Variants in MALRD1 observed in about 807,000 individuals in gnomAD.
The protein encoded by MALRD1 is MAM and LDL-receptor class A domain-containing protein 1.
MALRD1 carries 247 observed loss-of-function variants against 242.1 expected under a neutral mutation model. The ratio of observed to expected loss-of-function variants is 1.02; its 90% CI spans 0.92 to 1.13. The LOEUF is 1.13. Among genes scored for constraint, MALRD1 ranks in the 50% most tolerant of loss-of-function variants. MALRD1 has a pLI of 0.00. For synonymous variants in MALRD1, 995 were observed against 866.6 expected (o/e 1.15, Z -2.60); for missense variants, 2,989 against 2,533.1 (o/e 1.18, Z -3.86).
chr10:19,531,106 A>G, intron 31 of MALRD1, 88 bp from the exon 32 acceptor site: 1 of 1,121,320 alleles, frequency 8.9e-7, no homozygotes, highest in Non-Finnish European at 1.2e-6. Context: ...GTATAAGGAT[A>G]AAAAGATATC....
At chr10:19,605,835 A>G (rs1838592250) in intron 34 of MALRD1, among the ~76,000 whole-genome samples, 1 of 151,926 alleles carries the variant, frequency 6.6e-6, no homozygotes, top group African/African-American at 2.4e-5. Flanking sequence ...TTCTCTTGTC[A>G]TCACCATGTA....
intron 14 of MALRD1, among the ~76,000 whole-genome samples, chr10:19,193,594 C>T (rs1836089704): frequency 6.6e-6 from 1 of 151,990 alleles, no homozygotes; most frequent in Non-Finnish European, 1.5e-5. Flanking sequence ...TTAAATTGTG[C>T]TACAAGACAT....
intron 28 of MALRD1, among the ~76,000 whole-genome samples, chr10:19,406,641 G>C (rs1847124569): frequency 6.6e-6 from 1 of 152,088 alleles, no homozygotes; most frequent in African/African-American, 2.4e-5. Context: ...AAATATCCAA[G>C]GAAAACGAAA....
At chr10:19,652,327 C>T (rs1190944050) in intron 36 of MALRD1, among the ~76,000 whole-genome samples, 1 of 152,150 alleles carries the variant, frequency 6.6e-6, no homozygotes, top group Non-Finnish European at 1.5e-5. Flanking sequence ...ATTACATGTT[C>T]TGAGAAGAAA....
intron 14 of MALRD1, among the ~76,000 whole-genome samples, chr10:19,183,650 AT>A: frequency 6.6e-6 from 1 of 152,304 alleles, no homozygotes; most frequent in East Asian, 1.9e-4. Flanking sequence ...TTTGCTAAAA[AT>A]TTAGGTCTTC....
intron 29 of MALRD1, among the ~76,000 whole-genome samples, chr10:19,467,235 G>A (rs1589123763): frequency 6.7e-6 from 1 of 149,800 alleles, no homozygotes; most frequent in Non-Finnish European, 1.5e-5. Context: ...GGCGCCTGTA[G>A]TCTCAGCTAC....
intron 21 of MALRD1, among the ~76,000 whole-genome samples, chr10:19,315,676 T>C (rs1330947101): frequency 7.6e-6 from 1 of 132,066 alleles, no homozygotes; most frequent in Non-Finnish European, 1.5e-5. Flanking sequence ...ACTATAGTTA[T>C]ATATTATATA....
At chr10:19,588,312 C>T (rs1320398084) in intron 33 of MALRD1, among the ~76,000 whole-genome samples, 4 of 152,108 alleles carry the variant, frequency 2.6e-5, no homozygotes, top group African/African-American at 9.7e-5. Context: ...ACTATTTAAA[C>T]CACTGATTTA....
intron 34 of MALRD1, among the ~76,000 whole-genome samples, chr10:19,597,075 T>A (rs1375767268): frequency 6.6e-6 from 1 of 152,182 alleles, no homozygotes; most frequent in Non-Finnish European, 1.5e-5. Flanking sequence ...TGGTTCGGGC[T>A]GACAAATTGG....
At chr10:19,402,006 G>A (rs1462297044) in intron 28 of MALRD1, among the ~76,000 whole-genome samples, 1 of 152,170 alleles carries the variant, frequency 6.6e-6, no homozygotes, top group African/African-American at 2.4e-5. Context: ...GTAACACTGA[G>A]CTTTGGAAAG....
At chr10:19,452,759 T>C (rs1454318159) in intron 29 of MALRD1, among the ~76,000 whole-genome samples, 1 of 152,174 alleles carries the variant, frequency 6.6e-6, no homozygotes, top group Non-Finnish European at 1.5e-5. Flanking sequence ...CTAAGTTGCT[T>C]TCTGCAGTTG....
At chr10:19,280,368 GAA>G (rs1461616957) in intron 20 of MALRD1, 145 bp downstream of exon 20, 1 of 576,916 alleles carries the variant, frequency 1.7e-6, no homozygotes, top group Non-Finnish European at 2.6e-6. Context: ...TATTCATACA[GAA>G]AATTGTAATG....
intron 18 of MALRD1, among the ~76,000 whole-genome samples, chr10:19,230,324 T>A (rs1247065608): frequency 6.6e-6 from 1 of 152,094 alleles, no homozygotes; most frequent in Non-Finnish European, 1.5e-5. Flanking sequence ...TATAAAGAAA[T>A]GAGGTTTATT....
intron 32 of MALRD1, among the ~76,000 whole-genome samples, chr10:19,532,341 G>A (rs536429214): frequency 5.3e-5 from 8 of 152,190 alleles, no homozygotes; most frequent in African/African-American, 1.4e-4. Context: ...TGGAACCTCC[G>A]CCTCCCAGGT....
chr10:19,327,619 A>C lies in MALRD1; in HGVS notation c.3633A>C (p.Gln1211His), dbSNP rs1171404270. ...TSKLWAQTGQ[Q>H]GAQWKRAEVF... ...AATTGTGGGCTCAAACTGGACAGCAAGGTGCACAGTGGAAGAGAGCAGAAG... is the reference window on the plus strand; with the variant it reads ...AATTGTGGGCTCAAACTGGACAGCACGGTGCACAGTGGAAGAGAGCAGAAG... The change falls in exon 23 of 40, where the codon CAA becomes CAC. Residue 1211 changes from glutamine (Q) to histidine (H), a missense_variant. Gln to His is a conservative substitution (Grantham distance 24, BLOSUM62 0). Coordinates refer to ENST00000454679, the MANE Select transcript of MALRD1 (RefSeq NM_001142308.3). 2.6e-6 allele frequency: 4 copies of C among 1,549,846 alleles called. No homozygotes were observed. In the East Asian group the frequency reaches 7.3e-5, roughly 28 times the overall value.
intron 26 of MALRD1, among the ~76,000 whole-genome samples, chr10:19,367,899 G>A (rs78520978): frequency 0.013 from 1,957 of 151,944 alleles, 35 homozygotes; most frequent in African/African-American, 0.036. Flanking sequence ...GGCCATTTCT[G>A]TGTGTTTTGA....
chr10:19,229,025 G>GA (rs1837928706), intron 18 of MALRD1, among the ~76,000 whole-genome samples: 2 of 151,742 alleles, frequency 1.3e-5, no homozygotes, highest in African/African-American at 2.4e-5. Flanking sequence ...TTGAAGAATT[G>GA]AAAAAATTTT....
chr10:19,414,017 T>C (rs905116573), intron 28 of MALRD1, among the ~76,000 whole-genome samples: 1 of 151,696 alleles, frequency 6.6e-6, no homozygotes. Context: ...TAATTGATTC[T>C]CCTTCCTTCT....
chr10:19,618,085 G>A (rs1839244756), intron 36 of MALRD1, among the ~76,000 whole-genome samples: 1 of 151,994 alleles, frequency 6.6e-6, no homozygotes, highest in African/African-American at 2.4e-5. Context: ...GTGGTGTTTG[G>A]TTTTCTGTTC....
Sources: gnomAD v4.1 joint callset for allele counts (sites outside exome capture counted in the v4.1 genomes callset) on GRCh38, gnomAD v4.1.1 for gene constraint, MANE v1.5 for transcripts, NCBI Gene and HGNC (gene_info 2026-07-23, HGNC 2026-07-21) for gene names.